ANP32A: variants seen among roughly 807,000 people sequenced by gnomAD.
The protein encoded by ANP32A is acidic leucine-rich nuclear phosphoprotein 32 family member A.
A neutral mutation model predicts 33.9 loss-of-function variants in ANP32A; 1 was observed. The ratio of observed to expected loss-of-function variants is 0.03; its 90% CI spans 0.01 to 0.14. The LOEUF (loss-of-function observed/expected upper bound fraction) is 0.14. ANP32A is among the 10% of genes least tolerant of loss of function. The pLI is 1.00. For missense variants in ANP32A, 155 were observed against 306.0 expected (o/e 0.51, Z 3.68); for synonymous variants, 115 against 120.5 (o/e 0.95, Z 0.30).
At chr15:68,792,510 C>T (rs181069901) in intron 1 of ANP32A, among the ~76,000 whole-genome samples, 112 of 152,336 alleles carry the variant, frequency 7.4e-4, no homozygotes, top group African/African-American at 2.6e-3. Flanking sequence ...AGTCATTTTT[C>T]ACCAATGGGA....
chr15:68,793,729 C>G (rs560918921), intron 1 of ANP32A, among the ~76,000 whole-genome samples: 1 of 152,278 alleles, frequency 6.6e-6, no homozygotes, highest in Admixed American at 6.5e-5. Flanking sequence ...AAAGCCAGGA[C>G]TGGCTTAGAG....
At position 68,800,826 on chromosome 15, in the gene ANP32A, G is replaced by C. The variant is rs560421699; in HGVS notation, c.55-12907C>G. Among the ~76,000 whole-genome samples, 3 of 151,304 alleles carry C rather than the reference G, an allele frequency of 2.0e-5. No individual in the cohort carries two copies. In the South Asian group the frequency reaches 6.3e-4, roughly 32 times the overall value. On this transcript the variant is annotated intron_variant, in intron 1 of 6. Coordinates refer to ENST00000465139, the MANE Select transcript of ANP32A (RefSeq NM_006305.4). Reference sequence around the variant, plus strand: ...CTACTTTAGAGAGGGTAACCAGGAAGGCCTATCCAAAGTGAGCTTTCAGCA... The same window carrying C: ...CTACTTTAGAGAGGGTAACCAGGAACGCCTATCCAAAGTGAGCTTTCAGCA...
intron 1 of ANP32A, among the ~76,000 whole-genome samples, chr15:68,803,318 C>T (rs908551051): frequency 1.3e-5 from 2 of 152,218 alleles, no homozygotes; most frequent in African/African-American, 2.4e-5. Flanking sequence ...AAGGGGTAAG[C>T]CTCCTCTTGT....
At chr15:68,808,711 A>G (rs1045484182) in intron 1 of ANP32A, among the ~76,000 whole-genome samples, 6 of 152,168 alleles carry the variant, frequency 3.9e-5, no homozygotes, top group African/African-American at 9.7e-5. Context: ...TCTGAAAGTA[A>G]TTCCTCTAAA....
chr15:68,792,712 T>G (rs956408284), intron 1 of ANP32A, among the ~76,000 whole-genome samples: 1 of 152,154 alleles, frequency 6.6e-6, no homozygotes, highest in South Asian at 2.1e-4. Flanking sequence ...TCTCTATGAC[T>G]GTGAGGATGG....
intron 4 of ANP32A, 150 bp from the exon 5 acceptor site, chr15:68,783,203 A>C: frequency 5.1e-5 from 64 of 1,250,046 alleles, no homozygotes; most frequent in Non-Finnish European, 6.4e-5. Flanking sequence ...ACTAACTCTC[A>C]TGAAAACAGT....
chr15:68,783,743 T>G (rs371182602), intron 4 of ANP32A, among the ~76,000 whole-genome samples: 129 of 151,828 alleles, frequency 8.5e-4, no homozygotes, highest in African/African-American at 2.9e-3. Flanking sequence ...TTCCTTCCTG[T>G]AGGCCTCGAC....
intron 3 of ANP32A, among the ~76,000 whole-genome samples, chr15:68,786,981 G>C (rs1341861060): frequency 1.3e-5 from 2 of 152,180 alleles, no homozygotes; most frequent in Non-Finnish European, 2.9e-5. Flanking sequence ...ATTTCTCACA[G>C]TTCAGGGGCC....
chr15:68,784,639 G>A (rs1193848242), intron 3 of ANP32A, 44 bp from the exon 4 acceptor site: 2 of 1,603,532 alleles, frequency 1.2e-6, no homozygotes, highest in East Asian at 4.5e-5. Flanking sequence ...ATTTGTGGGA[G>A]GAAGGTGGAG....
In ANP32A at chr15:68,820,786, C is replaced by T. The variant is rs1408701609; in HGVS notation, c.-35G>A. 7 of 1,613,672 alleles carry T rather than the reference C, an allele frequency of 4.3e-6. No individual in the cohort carries two copies. The highest frequency in any genetic ancestry group is 1.1e-5 in the South Asian group (1 of 91,078). ...TCTCTCTCTGCAGAGGCTCCCGCGC[C>T]GGCGGAATTCAATCAATAAACCCCG... On this transcript the variant is annotated 5_prime_UTR_variant, in exon 1 of 7. Transcript: ENST00000465139.
intron 4 of ANP32A, 194 bp downstream of exon 4, chr15:68,784,203 C>A: frequency 3.2e-6 from 2 of 623,984 alleles, no homozygotes; most frequent in Non-Finnish European, 5.6e-6. Flanking sequence ...AGATTAGGGA[C>A]TATGGAAAAC....
In ANP32A at chr15:68,780,007, A is replaced by AG. The variant is rs3214818; in HGVS notation, c.*73dup. ...AATAAGTTTCAGGGGGCAGGATTGG[A>AG]GGGGGGGGGGAGAGGGGATATGGGT... On this transcript the variant is annotated 3_prime_UTR_variant, in exon 7 of 7. Coordinates refer to ENST00000465139, the MANE Select transcript of ANP32A (RefSeq NM_006305.4). The surrounding 1 kb of genome is among the most constrained non-coding windows in gnomAD (Gnocchi z 4.3). 50,671 of 1,032,302 alleles carry AG rather than the reference A, an allele frequency of 0.049. 404 individuals carry two copies. The highest frequency in any genetic ancestry group is 0.12 in the East Asian group (3,573 of 28,882). 63.9% of individuals were successfully genotyped at this position (1,032,302 alleles called of 1,614,324 possible). A position where few individuals can be genotyped will look rare whatever the true frequency, so the allele number is the denominator to read the frequency against.
At chr15:68,813,215 G>A (rs558483584) in intron 1 of ANP32A, among the ~76,000 whole-genome samples, 297 of 152,346 alleles carry the variant, frequency 1.9e-3, no homozygotes, top group Admixed American at 3.5e-3. Flanking sequence ...GCACTGGGTT[G>A]CAGGGTGTGG....
intron 1 of ANP32A, among the ~76,000 whole-genome samples, chr15:68,810,358 A>G (rs751611753): frequency 6.6e-6 from 1 of 152,198 alleles, no homozygotes; most frequent in Non-Finnish European, 1.5e-5. Context: ...CAAGCAACAG[A>G]GCATGTTTTA....
chr15:68,812,142 C>T (rs1014834844), intron 1 of ANP32A, among the ~76,000 whole-genome samples: 4 of 152,074 alleles, frequency 2.6e-5, no homozygotes, highest in South Asian at 4.1e-4. Flanking sequence ...CCAGACAGTG[C>T]GGCAGGCACT....
chr15:68,796,522 C>T (rs1012981090), intron 1 of ANP32A, among the ~76,000 whole-genome samples: 3 of 152,184 alleles, frequency 2.0e-5, no homozygotes, highest in African/African-American at 4.8e-5. Context: ...GCCGCAGACT[C>T]GACTCTTTCT....
intron 1 of ANP32A, among the ~76,000 whole-genome samples, chr15:68,819,736 G>A (rs77104826): frequency 0.027 from 4,151 of 152,300 alleles, 111 homozygotes; most frequent in East Asian, 0.14. Flanking sequence ...GGAAGGAGCT[G>A]GGGCGAGGGG....
intron 1 of ANP32A, among the ~76,000 whole-genome samples, chr15:68,819,375 C>T (rs1026077676): frequency 6.6e-6 from 1 of 152,252 alleles, no homozygotes; most frequent in Non-Finnish European, 1.5e-5. Context: ...GTTCGAGTCA[C>T]CCACCCTCAC....
chr15:68,794,224 C>G (rs539676089), intron 1 of ANP32A, among the ~76,000 whole-genome samples: 1 of 152,152 alleles, frequency 6.6e-6, no homozygotes, highest in East Asian at 1.9e-4. Context: ...AGAATGGAAA[C>G]GAAGGGCAGG....
Sources: gnomAD v4.1 joint callset for allele counts (sites outside exome capture counted in the v4.1 genomes callset) on GRCh38, gnomAD v4.1.1 for gene constraint, Gnocchi (gnomAD v3.1) non-coding constraint, MANE v1.5 for transcripts, NCBI Gene and HGNC (gene_info 2026-07-23, HGNC 2026-07-21) for gene names.